RBFOX1: variants seen among roughly 807,000 people sequenced by gnomAD.
RBFOX1 encodes the protein RNA binding fox-1 homolog 1.
Under a neutral mutation model 57.7 loss-of-function variants are expected in RBFOX1, and 8 were observed. The observed-to-expected ratio is 0.14, with a 90% CI of 0.08 to 0.25. RBFOX1 has a LOEUF of 0.25. Ranked by LOEUF, RBFOX1 falls within the 10% of genes least tolerant of loss-of-function variation. The probability of loss-of-function intolerance (pLI) is 1.00; values close to 1 mark genes in which losing one functional copy is unlikely to be tolerated. For missense variants in RBFOX1, 611 were observed against 548.5 expected (o/e 1.11, Z -1.14); for synonymous variants, 326 against 222.4 (o/e 1.47, Z -4.15).
chr16:5,858,386 C>T (rs551738290), intron 3 of RBFOX1, among the ~76,000 whole-genome samples: 2 of 152,288 alleles, frequency 1.3e-5, no homozygotes, highest in Admixed American at 1.3e-4. Context: ...AGCTCAGACT[C>T]CCTGTAAACC....
At chr16:7,593,147 T>A (rs1389409668) in intron 7 of RBFOX1, among the ~76,000 whole-genome samples, 1 of 152,124 alleles carries the variant, frequency 6.6e-6, no homozygotes, top group East Asian at 1.9e-4. Flanking sequence ...CGATCACACG[T>A]AGTGAAATGA....
At chr16:7,505,010 A>G (rs563166691) in intron 4 of RBFOX1, among the ~76,000 whole-genome samples, 1 of 150,474 alleles carries the variant, frequency 6.6e-6, no homozygotes, top group Non-Finnish European at 1.5e-5. Context: ...TAATGGGGAA[A>G]CTTTTTTCAG....
chr16:7,538,332 A>G (rs1048878049), intron 5 of RBFOX1, among the ~76,000 whole-genome samples: 6 of 152,138 alleles, frequency 3.9e-5, no homozygotes, highest in Admixed American at 1.3e-4. Flanking sequence ...CCATTAGCCC[A>G]TAGCTGCTAC....
intron 4 of RBFOX1, among the ~76,000 whole-genome samples, chr16:7,339,653 T>C (rs2096856088): frequency 6.6e-6 from 1 of 152,188 alleles, no homozygotes; most frequent in Admixed American, 6.5e-5. Flanking sequence ...TTGGCTGGGC[T>C]GGTCTTGAAC....
intron 1 of RBFOX1, among the ~76,000 whole-genome samples, chr16:6,187,935 C>T (rs1339254892): frequency 6.6e-6 from 1 of 152,282 alleles, no homozygotes; most frequent in East Asian, 1.9e-4. Flanking sequence ...CATATGTGTG[C>T]ACATGAATGT....
intron 2 of RBFOX1, among the ~76,000 whole-genome samples, chr16:6,569,407 A>C (rs1157278859): frequency 6.6e-6 from 1 of 152,168 alleles, no homozygotes; most frequent in Non-Finnish European, 1.5e-5. Context: ...TGCCAGACTA[A>C]GGGCACTTAG....
intron 4 of RBFOX1, among the ~76,000 whole-genome samples, chr16:7,489,829 C>T (rs1246091610): frequency 6.6e-6 from 1 of 151,908 alleles, no homozygotes; most frequent in Non-Finnish European, 1.5e-5. Context: ...CTAAGTTATG[C>T]ATATTATCTT....
At chr16:6,633,099 A>C (rs1248182783) in intron 2 of RBFOX1, among the ~76,000 whole-genome samples, 2 of 152,144 alleles carry the variant, frequency 1.3e-5, no homozygotes, top group African/African-American at 2.4e-5. Flanking sequence ...CCTTGGAAGA[A>C]AGTTGCAGCG....
intron 3 of RBFOX1, among the ~76,000 whole-genome samples, chr16:6,903,526 C>G (rs557447948): frequency 6.6e-6 from 1 of 152,176 alleles, no homozygotes; most frequent in Non-Finnish European, 1.5e-5. Context: ...GGGGGAAGCA[C>G]TTCAATAGGA....
intron 3 of RBFOX1, among the ~76,000 whole-genome samples, chr16:6,851,431 A>T (rs1012960797): frequency 1.3e-5 from 2 of 152,318 alleles, no homozygotes; most frequent in East Asian, 3.9e-4. Flanking sequence ...TTACTTATTA[A>T]ATTACATGTG....
At chr16:5,302,757 C>T (rs879452810) in intron 1 of RBFOX1, among the ~76,000 whole-genome samples, 4 of 152,156 alleles carry the variant, frequency 2.6e-5, no homozygotes, top group African/African-American at 9.7e-5. Context: ...CTCTCTAACA[C>T]TTAGTGTTTG....
At chr16:5,794,892 A>G (rs916911353) in intron 3 of RBFOX1, among the ~76,000 whole-genome samples, 1 of 152,140 alleles carries the variant, frequency 6.6e-6, no homozygotes, top group East Asian at 1.9e-4. Context: ...GATGGAAGCT[A>G]CCCCATCACA....
At chr16:7,632,383 C>G (rs1475843252) in intron 11 of RBFOX1, among the ~76,000 whole-genome samples, 2 of 152,284 alleles carry the variant, frequency 1.3e-5, no homozygotes, top group East Asian at 3.9e-4. Context: ...GCATGTATCT[C>G]CTGAAATTGT....
chr16:6,694,745 T>A lies in RBFOX1; in HGVS notation c.-16+40095T>A, dbSNP rs562289442. Among the ~76,000 whole-genome samples the A allele has an allele frequency of 3.3e-5, 5 of 152,292 alleles. No individual in the cohort carries two copies. The East Asian group carries it at 9.7e-4, about 30-fold the overall frequency. On this transcript the variant is annotated intron_variant, in intron 3 of 15. Transcript: ENST00000550418. ...ACTCCATTGGTAATAGGTATAAAAA[T>A]GAATTCCAGCATTGCCTCTCATTTA... is the stretch of plus-strand genomic sequence containing the variant.
At chr16:5,571,478 G>A (rs2046282492) in intron 2 of RBFOX1, among the ~76,000 whole-genome samples, 1 of 152,082 alleles carries the variant, frequency 6.6e-6, no homozygotes, top group Non-Finnish European at 1.5e-5. Context: ...ACCTCCCAAA[G>A]TATAGAGAGC....
chr16:7,123,388 AG>A (rs1034280525), intron 4 of RBFOX1, among the ~76,000 whole-genome samples: 58 of 152,236 alleles, frequency 3.8e-4, no homozygotes, highest in Middle Eastern at 3.4e-3. Flanking sequence ...TTTTTGAGAC[AG>A]CGGCTTCCTC....
chr16:7,585,160 A>G (rs2152877865), intron 6 of RBFOX1, among the ~76,000 whole-genome samples: 1 of 152,254 alleles, frequency 6.6e-6, no homozygotes, highest in South Asian at 2.1e-4. Flanking sequence ...GTGGAGACTG[A>G]ATATTCAAGG....
At chr16:7,434,689 C>G (rs933093414) in intron 4 of RBFOX1, among the ~76,000 whole-genome samples, 5 of 151,914 alleles carry the variant, frequency 3.3e-5, no homozygotes, top group African/African-American at 1.2e-4. Context: ...TAAAGACAGT[C>G]CAGAGAGTTC....
At chr16:5,718,764 C>T (rs909481222) in intron 3 of RBFOX1, among the ~76,000 whole-genome samples, 6 of 152,024 alleles carry the variant, frequency 3.9e-5, no homozygotes, top group East Asian at 3.9e-4. Context: ...AAAAATTAGC[C>T]GGGGCATAGT....
Sources: gnomAD v4.1 joint callset for allele counts (sites outside exome capture counted in the v4.1 genomes callset) on GRCh38, gnomAD v4.1.1 for gene constraint, MANE v1.5 for transcripts, NCBI Gene and HGNC (gene_info 2026-07-23, HGNC 2026-07-21) for gene names.